Variants in RBM39 observed in about 807,000 individuals in gnomAD.
The protein encoded by RBM39 is RNA binding motif protein 39.
Under a neutral mutation model 79.6 loss-of-function variants are expected in RBM39, and 12 were observed. That is an observed-to-expected ratio of 0.15 (90% CI 0.10 to 0.24). The LOEUF (loss-of-function observed/expected upper bound fraction) is 0.24. Ranked by LOEUF, RBM39 falls within the 10% of genes least tolerant of loss-of-function variation. The probability of loss-of-function intolerance (pLI) is 1.00; values close to 1 mark genes in which losing one functional copy is unlikely to be tolerated. For missense variants in RBM39, 243 were observed against 653.4 expected (o/e 0.37, Z 6.85); for synonymous variants, 185 against 208.4 (o/e 0.89, Z 0.97).
chr20:35,738,576 C>T (rs2040219937), intron 3 of RBM39, among the ~76,000 whole-genome samples: 1 of 152,204 alleles, frequency 6.6e-6, no homozygotes, highest in African/African-American at 2.4e-5. Flanking sequence ...TTAGGGCAAA[C>T]AATACTTTCC....
At chr20:35,726,506 C>T (rs954739543) in intron 6 of RBM39, among the ~76,000 whole-genome samples, 1 of 152,180 alleles carries the variant, frequency 6.6e-6, no homozygotes. Context: ...AACATATCAC[C>T]AGACCAATCA....
chr20:35,732,277 ACT>A, intron 3 of RBM39, 142 bp from the exon 4 acceptor site: 1 of 606,476 alleles, frequency 1.6e-6, no homozygotes, highest in Non-Finnish European at 2.5e-6. Flanking sequence ...ACATAATCAT[ACT>A]TAAAAAAAAA....
intron 4 of RBM39, among the ~76,000 whole-genome samples, chr20:35,729,819 A>G (rs1217052170): frequency 7.0e-6 from 1 of 143,138 alleles, no homozygotes; most frequent in Non-Finnish European, 1.5e-5. Flanking sequence ...TGTAAGCTAC[A>G]TATATATATA....
chr20:35,715,862 C>T (rs2037052789), intron 10 of RBM39, among the ~76,000 whole-genome samples: 1 of 151,964 alleles, frequency 6.6e-6, no homozygotes, highest in South Asian at 2.1e-4. Context: ...TGTTACTTCA[C>T]AGGATGTCTT....
chr20:35,716,803 A>G lies in RBM39; in HGVS notation c.828T>C (p.Ile276=). ...TGTCCATCATCAGCTGGATACTTTC[A>G]ATCTATAATTGAAAAGCATAATTAC... ...LRGIFEPFGR[I]ESIQLMMDSE... is the part of the protein sequence containing the mutation. The change falls in exon 10 of 17, where the codon ATT becomes ATC. Residue 276 remains isoleucine, a splice_region_variant and synonymous_variant. Transcript: ENST00000253363. 4 of 1,596,968 alleles carry G rather than the reference A, an allele frequency of 2.5e-6. No homozygotes were observed. The highest frequency in any genetic ancestry group is 2.2e-5 in the East Asian group (1 of 44,782).
intron 11 of RBM39, chr20:35,713,662 A>AACAC (rs1569002763): frequency 9.5e-6 from 1 of 105,484 alleles, no homozygotes; most frequent in South Asian, 3.9e-4. Context: ...CCAACCAACC[A>AACAC]ACACAAAAAA....
intron 4 of RBM39, among the ~76,000 whole-genome samples, chr20:35,730,410 T>C (rs1240794804): frequency 6.6e-6 from 1 of 152,216 alleles, no homozygotes; most frequent in African/African-American, 2.4e-5. Context: ...TTAGTTTTCA[T>C]GAACACCATG....
intron 3 of RBM39, chr20:35,734,822 T>G (rs992877868): frequency 7.2e-7 from 1 of 1,394,954 alleles, no homozygotes; most frequent in African/African-American, 1.5e-5. Flanking sequence ...ATTTCCAGCT[T>G]CAAAGAGCAT....
intron 2 of RBM39, chr20:35,739,271 A>G (rs562340641): frequency 5.8e-5 from 29 of 497,594 alleles, no homozygotes; most frequent in South Asian, 5.8e-4. Context: ...ACTTTCTTAT[A>G]TAGTTTAGAT....
intron 6 of RBM39, among the ~76,000 whole-genome samples, chr20:35,727,786 ATGACAG>A (rs1165613491): frequency 2.6e-5 from 4 of 151,656 alleles, no homozygotes; most frequent in African/African-American, 9.7e-5. Flanking sequence ...AGTAGCTGGG[ATGACAG>A]GTGCACACCA....
In RBM39 at chr20:35,704,192, A is replaced by C. The variant is rs1600351625; in HGVS notation, c.*289T>G. On this transcript the variant is annotated 3_prime_UTR_variant, in exon 17 of 17. Transcript: ENST00000253363. ...TTACATCCCTGGTCTGCCTTTTTAC[A>C]GAAAGCACATTTGTTCTCCTAGAGC... The C allele has an allele frequency of 4.9e-6, 1 of 205,382 alleles. No individual in the cohort carries two copies. Among genetic ancestry groups the C allele is most frequent in the East Asian group, 1.2e-4 (1 of 8,558 alleles). The allele number at this position is 205,382 out of a possible 1,614,324, so 12.7% of individuals were successfully genotyped here. A position where few individuals can be genotyped will look rare whatever the true frequency, so the allele number is the denominator to read the frequency against.
rs2040623191 is a variant in RBM39, at chr20:35,742,186, C to G, written c.-259G>C. ...GGCGGCTTCGGCAGCTCAGGATCCA[C>G]CCCTGCGACAGCGTCGACAAGCTCC... On this transcript the variant is annotated 5_prime_UTR_variant, in exon 1 of 17. Coordinates refer to ENST00000253363, the MANE Select transcript of RBM39 (RefSeq NM_184234.3). The G allele has an allele frequency of 6.3e-6, 1 of 158,690 alleles. No individual in the cohort carries two copies. Among genetic ancestry groups the G allele is most frequent in the South Asian group, 1.5e-4 (1 of 6,878 alleles). 9.8% of individuals were successfully genotyped at this position (158,690 alleles called of 1,614,324 possible).
At chr20:35,704,783 T>G in intron 15 of RBM39, 37 bp from the exon 16 acceptor site, 1 of 1,587,120 alleles carries the variant, frequency 6.3e-7, no homozygotes, top group Non-Finnish European at 8.6e-7. Flanking sequence ...AAGATGTTGC[T>G]GTATGCAAAA....
At chr20:35,726,005 C>T (rs372323880) in intron 6 of RBM39, among the ~76,000 whole-genome samples, 2 of 152,090 alleles carry the variant, frequency 1.3e-5, no homozygotes, top group Admixed American at 6.6e-5. Context: ...ACAAAAAATG[C>T]GCATAAAACT....
intron 1 of RBM39, among the ~76,000 whole-genome samples, 196 bp from the exon 2 acceptor site, chr20:35,741,083 G>T (rs1422698856): frequency 9.0e-6 from 1 of 111,172 alleles, no homozygotes; most frequent in South Asian, 3.1e-4. Context: ...TGCCCAGGCT[G>T]AAGTGCAGTA....
intron 4 of RBM39, among the ~76,000 whole-genome samples, chr20:35,731,114 G>C: frequency 6.6e-6 from 1 of 152,124 alleles, no homozygotes; most frequent in East Asian, 1.9e-4. Context: ...ATTCGGGTCT[G>C]TTTGTCTTTG....
intron 14 of RBM39, 108 bp from the exon 15 acceptor site, chr20:35,705,438 G>A: frequency 1.1e-5 from 7 of 659,272 alleles, no homozygotes; most frequent in Non-Finnish European, 1.7e-5. Flanking sequence ...AAAATACTTT[G>A]GAAAAAAAGC....
intron 1 of RBM39, 136 bp from the exon 2 acceptor site, chr20:35,741,023 C>CTCTTTT (rs2040441300): frequency 1.2e-5 from 1 of 83,244 alleles, no homozygotes; most frequent in Non-Finnish European, 2.2e-5. Context: ...CGTGAGTAAA[C>CTCTTTT]ATTTTTCTTT....
chr20:35,732,371 T>C (rs2039466633), intron 3 of RBM39: 1 of 527,878 alleles, frequency 1.9e-6, no homozygotes, highest in Non-Finnish European at 3.4e-6. Context: ...GTCTGGCCAA[T>C]GTAGTGAAAC....
Sources: gnomAD v4.1 joint callset for allele counts (sites outside exome capture counted in the v4.1 genomes callset) on GRCh38, gnomAD v4.1.1 for gene constraint, MANE v1.5 for transcripts, NCBI Gene and HGNC (gene_info 2026-07-23, HGNC 2026-07-21) for gene names.